Variants in ACSM1 observed in about 807,000 individuals in gnomAD.
ACSM1 encodes the protein acyl-CoA synthetase medium chain family member 1.
A neutral mutation model predicts 75.8 loss-of-function variants in ACSM1; 79 were observed. The observed-to-expected ratio is 1.04, with a 90% confidence interval of 0.87 to 1.26. ACSM1 has a LOEUF of 1.26. Ranked by LOEUF, ACSM1 falls within the 50% of genes most tolerant of loss-of-function variation. ACSM1 has a pLI of 0.00. For synonymous variants in ACSM1, 279 were observed against 265.8 expected (o/e 1.05, Z -0.48); for missense variants, 676 against 720.1 (o/e 0.94, Z 0.70).
chr16:20,685,585 G>A (rs529576504), intron 2 of ACSM1, among the ~76,000 whole-genome samples, 182 bp from the exon 3 acceptor site: 1 of 152,130 alleles, frequency 6.6e-6, no homozygotes, highest in Non-Finnish European at 1.5e-5. Context: ...ACTTTAGGAG[G>A]TGGAGGCAGG....
intron 4 of ACSM1, 175 bp downstream of exon 4, chr16:20,682,081 C>T (rs2152310272): frequency 1.6e-6 from 1 of 607,860 alleles, no homozygotes. Context: ...CCATGAAATG[C>T]TTAAAAGGTA....
chr16:20,669,935 G>T lies in ACSM1; in HGVS notation c.804C>A (p.Asp268Glu), dbSNP rs148318102. The T allele has an allele frequency of 5.5e-4, 891 of 1,613,848 alleles. 4 individuals are homozygous for T. The highest frequency in any genetic ancestry group is 4.6e-3 in the Middle Eastern group (28 of 6,056). ...AAATGGTAGCCACAATCCATCCTGA[G>T]TCCGACAGGCACCAGGAGACATCAG... Reference protein sequence around the residue: ...KTSDVSWCLSDSGWIVATIWT... With the variant: ...KTSDVSWCLSESGWIVATIWT... The change falls in exon 6 of 14, where the codon GAC becomes GAA. Residue 268 changes from aspartate (D) to glutamate (E), a missense_variant. By Grantham distance (45) the Asp-to-Glu change is conservative. Transcript: ENST00000520010.
Position 20,641,635 on chromosome 16 carries a change from G to A in ACSM1, c.993-1051C>T, listed in dbSNP as rs192652763. 5.9e-5 allele frequency among the ~76,000 whole-genome samples: 9 copies of A among 152,266 alleles called. No homozygotes were observed. The East Asian group carries it at 7.7e-4, about 13-fold the overall frequency. On this transcript the variant is annotated intron_variant, in intron 7 of 13. Coordinates refer to ENST00000520010, the MANE Select transcript of ACSM1 (RefSeq NM_001318890.3). ...TAAATAGCATGGGCTCCCAGGGCTC[G>A]GGGCCTTCACAGCCTCCACAGTCTT...
intron 7 of ACSM1, among the ~76,000 whole-genome samples, chr16:20,641,508 G>A: frequency 6.6e-6 from 1 of 152,176 alleles, no homozygotes; most frequent in East Asian, 1.9e-4. Context: ...TAAAGTAGCA[G>A]AACATGCTCC....
intron 7 of ACSM1, among the ~76,000 whole-genome samples, chr16:20,641,947 G>A (rs2018087044): frequency 1.3e-5 from 2 of 152,222 alleles, no homozygotes; most frequent in Non-Finnish European, 1.5e-5. Context: ...CAGACATTCT[G>A]CTTATTTAAA....
chr16:20,672,021 T>C (rs1341635655), intron 4 of ACSM1, among the ~76,000 whole-genome samples: 1 of 152,090 alleles, frequency 6.6e-6, no homozygotes, highest in Non-Finnish European at 1.5e-5. Flanking sequence ...GAGTTACAAA[T>C]ATGAACCATT....
Position 20,675,150 on chromosome 16 carries a change from TG to T in ACSM1, c.612-3480del, listed in dbSNP as rs527823512. Among the ~76,000 whole-genome samples the T allele has an allele frequency of 4.4e-3, 677 of 152,190 alleles. 10 individuals carry two copies. The highest frequency in any genetic ancestry group is 0.016 in the African/African-American group (649 of 41,506). ...GTTCGTTTCCTCTGATGAAGAGTCC[TG>T]GGGTAGAAGTGGTGTGTGTATGTGT... On this transcript the variant is annotated intron_variant, in intron 4 of 13. Transcript: ENST00000520010.
chr16:20,645,659 T>C (rs2018319934), intron 7 of ACSM1, among the ~76,000 whole-genome samples: 1 of 152,158 alleles, frequency 6.6e-6, no homozygotes, highest in Non-Finnish European at 1.5e-5. Context: ...CTCAGTCAGG[T>C]CAATGATAGG....
At chr16:20,672,471 A>AATATATATATATATAT (rs1392857890) in intron 4 of ACSM1, among the ~76,000 whole-genome samples, 3 of 64,572 alleles carry the variant, frequency 4.6e-5, no homozygotes, top group African/African-American at 6.1e-5. Flanking sequence ...AAAAAAAAAA[A>AATATATATATATATAT]ATATATATAT....
In ACSM1 at chr16:20,691,185, G is replaced by A. The variant is rs1342059851; in HGVS notation, c.4C>T (p.Gln2Ter). Residue 2 changes from glutamine (Q) to a stop codon, truncating the protein, a stop_gained, in exon 2 of 14, where the codon CAG becomes TAG. Coordinates refer to ENST00000520010, the MANE Select transcript of ACSM1 (RefSeq NM_001318890.3). LOFTEE classifies it high-confidence loss of function. Reference sequence around the variant, plus strand: ...AGGGTCCGGAACCTCATTAGCCACTGCATGGTGAAACAGTCCTCAGAAACC... The same window carrying A: ...AGGGTCCGGAACCTCATTAGCCACTACATGGTGAAACAGTCCTCAGAAACC... M[Q>*]WLMRFRTLWG... 1.3e-6 allele frequency: 2 copies of A among 1,579,610 alleles called. No homozygotes were observed. Among genetic ancestry groups the A allele is most frequent in the South Asian group, 1.2e-5 (1 of 85,556 alleles).
intron 7 of ACSM1, among the ~76,000 whole-genome samples, chr16:20,646,925 G>A (rs1170092532): frequency 2.6e-5 from 4 of 152,202 alleles, no homozygotes; most frequent in Non-Finnish European, 4.4e-5. Flanking sequence ...TTATGGGGAA[G>A]AGCATTTGCT....
chr16:20,627,256 C>T lies in ACSM1; in HGVS notation c.1360G>A (p.Gly454Ser). ...CGDFYNTGDR[G>S]KMDEEGYICF... ...ATGTAGCCCTCTTCATCCATCTTAC[C>T]TCTGTCCCCAGTGTTGTAGAAGTCC... Residue 454 changes from glycine to serine, a missense_variant, in exon 11 of 14, where the codon GGT becomes AGT. Gly to Ser is a moderately conservative substitution (Grantham distance 56). Coordinates refer to ENST00000520010, the MANE Select transcript of ACSM1 (RefSeq NM_001318890.3). 6.3e-7 allele frequency: 1 copy of T among 1,592,564 alleles called. No individual in the cohort carries two copies. Among genetic ancestry groups the T allele is most frequent in the Non-Finnish European group, 8.5e-7 (1 of 1,171,512 alleles).
chr16:20,685,124 C>A, intron 3 of ACSM1, 69 bp downstream of exon 3: 8 of 1,547,666 alleles, frequency 5.2e-6, no homozygotes, highest in Non-Finnish European at 7.1e-6. Flanking sequence ...TGCACAGCAC[C>A]TAATATCTCA....
chr16:20,652,336 G>A (rs1305883233), intron 7 of ACSM1, among the ~76,000 whole-genome samples: 1 of 151,834 alleles, frequency 6.6e-6, no homozygotes, highest in Non-Finnish European at 1.5e-5. Flanking sequence ...AAATATCTTT[G>A]TCTAATTAAA....
Position 20,682,255 on chromosome 16 carries a change from C to G in ACSM1, c.611+1G>C. 1 of 1,612,654 alleles carries G rather than the reference C, an allele frequency of 6.2e-7. No individual in the cohort carries two copies. The highest frequency in any genetic ancestry group is 1.1e-5 in the South Asian group (1 of 91,014). Reference sequence around the variant, plus strand: ...TTATATTCATCAGACCAGAGACTCACTTAACCAGCGATCGGAAGTCCAGCC... The same window carrying G: ...TTATATTCATCAGACCAGAGACTCAGTTAACCAGCGATCGGAAGTCCAGCC... On this transcript the variant is annotated splice_donor_variant, in intron 4 of 13. Coordinates refer to ENST00000520010, the MANE Select transcript of ACSM1 (RefSeq NM_001318890.3). LOFTEE classifies it high-confidence loss of function.
At chr16:20,663,176 T>C (rs1439157964) in intron 6 of ACSM1, among the ~76,000 whole-genome samples, 3 of 152,158 alleles carry the variant, frequency 2.0e-5, no homozygotes, top group African/African-American at 7.2e-5. Flanking sequence ...CACAGACTTG[T>C]TGGCTACTCT....
chr16:20,695,442 A>G (rs988222738), intron 1 of ACSM1, among the ~76,000 whole-genome samples: 2 of 152,192 alleles, frequency 1.3e-5, no homozygotes, highest in African/African-American at 4.8e-5. Context: ...AGCCAGAGGA[A>G]AAAAATTTCC....
Position 20,652,469 on chromosome 16 carries a change from T to C in ACSM1, c.992+9325A>G, listed in dbSNP as rs557322256. Among the ~76,000 whole-genome samples, 10 of 152,050 alleles carry C rather than the reference T, an allele frequency of 6.6e-5. No homozygotes were observed. In the South Asian group the frequency reaches 2.1e-3, roughly 32 times the overall value. On this transcript the variant is annotated intron_variant, in intron 7 of 13. Coordinates refer to ENST00000520010, the MANE Select transcript of ACSM1 (RefSeq NM_001318890.3). ...TTTAAAAAGTCTTAAAGAAAAGATATTTTATATAAGAAAGAATCTTGTATG... is the reference window on the plus strand; with the variant it reads ...TTTAAAAAGTCTTAAAGAAAAGATACTTTATATAAGAAAGAATCTTGTATG...
intron 5 of ACSM1, among the ~76,000 whole-genome samples, 193 bp downstream of exon 5, chr16:20,671,338 G>A (rs1216086377): frequency 6.6e-6 from 1 of 151,878 alleles, no homozygotes; most frequent in Non-Finnish European, 1.5e-5. Context: ...CAAACATTTA[G>A]GATTCCCAGC....
Sources: gnomAD v4.1 joint callset for allele counts (sites outside exome capture counted in the v4.1 genomes callset) on GRCh38, gnomAD v4.1.1 for gene constraint, MANE v1.5 for transcripts, NCBI Gene and HGNC (gene_info 2026-07-23, HGNC 2026-07-21) for gene names.